Variants in FCHSD2 observed in about 807,000 individuals in gnomAD.
The protein encoded by FCHSD2 is FCH and double SH3 domains 2.
FCHSD2 carries 38 observed loss-of-function variants against 108.1 expected under a neutral mutation model. The ratio of observed to expected loss-of-function variants is 0.35; its 90% CI spans 0.27 to 0.46. FCHSD2 has a LOEUF of 0.46. FCHSD2 is among the 20% of genes least tolerant of loss of function. The pLI is 1.00. For synonymous variants in FCHSD2, 279 were observed against 314.7 expected (o/e 0.89, Z 1.20); for missense variants, 751 against 897.8 (o/e 0.84, Z 2.09).
At chr11:72,854,816 A>G (rs1340150678) in intron 13 of FCHSD2, among the ~76,000 whole-genome samples, 1 of 152,242 alleles carries the variant, frequency 6.6e-6, no homozygotes. Flanking sequence ...TAATGGCCAG[A>G]AAGTTTTACT....
chr11:73,112,706 T>C (rs1860515558), intron 2 of FCHSD2, among the ~76,000 whole-genome samples: 1 of 152,208 alleles, frequency 6.6e-6, no homozygotes, highest in African/African-American at 2.4e-5. Context: ...TGGAGTGCAG[T>C]GGCATGATCT....
intron 9 of FCHSD2, among the ~76,000 whole-genome samples, chr11:72,918,187 T>C (rs55787543): frequency 0.022 from 3,336 of 152,314 alleles, 80 homozygotes; most frequent in African/African-American, 0.059. Flanking sequence ...CTTAACCTTC[T>C]TTTTGGATCA....
chr11:73,013,663 T>C (rs1857908778), intron 4 of FCHSD2, among the ~76,000 whole-genome samples: 1 of 152,200 alleles, frequency 6.6e-6, no homozygotes, highest in African/African-American at 2.4e-5. Flanking sequence ...GTTCTGATAA[T>C]CATGGGAAAT....
chr11:72,867,435 C>G (rs1854752404), intron 13 of FCHSD2, among the ~76,000 whole-genome samples: 1 of 152,190 alleles, frequency 6.6e-6, no homozygotes, highest in African/African-American at 2.4e-5. Context: ...CACCTTCAGA[C>G]TAAGCCCACG....
intron 3 of FCHSD2, among the ~76,000 whole-genome samples, chr11:73,045,113 G>C (rs1297970709): frequency 2.6e-5 from 4 of 151,468 alleles, no homozygotes; most frequent in African/African-American, 9.7e-5. Context: ...CAAAGGTCAT[G>C]AACAGACACT....
chr11:72,921,212 A>G (rs1453105762), intron 9 of FCHSD2, among the ~76,000 whole-genome samples: 1 of 152,256 alleles, frequency 6.6e-6, no homozygotes, highest in Non-Finnish European at 1.5e-5. Flanking sequence ...CCACAGGAAC[A>G]ATTTATCTTC....
intron 3 of FCHSD2, among the ~76,000 whole-genome samples, chr11:73,049,377 G>A (rs1297724955): frequency 6.6e-6 from 1 of 152,216 alleles, no homozygotes; most frequent in Non-Finnish European, 1.5e-5. Context: ...CAAGAAACAA[G>A]ATAGGTAAAA....
At chr11:73,004,564 C>T (rs1310842119) in intron 4 of FCHSD2, among the ~76,000 whole-genome samples, 1 of 152,186 alleles carries the variant, frequency 6.6e-6, no homozygotes, top group Non-Finnish European at 1.5e-5. Flanking sequence ...CATTACCCAG[C>T]TTAGGTTTCA....
chr11:72,980,798 T>G (rs1230223059), intron 8 of FCHSD2, among the ~76,000 whole-genome samples: 1 of 151,834 alleles, frequency 6.6e-6, no homozygotes, highest in Non-Finnish European at 1.5e-5. Flanking sequence ...TCTACCATAT[T>G]GAGCTCTTTG....
At chr11:72,960,272 G>T (rs912447838) in intron 8 of FCHSD2, among the ~76,000 whole-genome samples, 1 of 152,090 alleles carries the variant, frequency 6.6e-6, no homozygotes, top group South Asian at 2.1e-4. Context: ...GGCACTAAGC[G>T]ATTCATGAGG....
intron 3 of FCHSD2, among the ~76,000 whole-genome samples, chr11:73,016,860 A>G (rs916699284): frequency 2.6e-5 from 4 of 152,256 alleles, no homozygotes; most frequent in Non-Finnish European, 4.4e-5. Context: ...ATGTTTATCT[A>G]TAACAGGTGT....
At chr11:72,972,998 A>G (rs2083781003) in intron 8 of FCHSD2, among the ~76,000 whole-genome samples, 1 of 152,260 alleles carries the variant, frequency 6.6e-6, no homozygotes, top group Admixed American at 6.5e-5. Context: ...TGAGCCAGGG[A>G]GAATGTACAA....
intron 8 of FCHSD2, among the ~76,000 whole-genome samples, chr11:72,936,024 T>C (rs1565330603): frequency 6.6e-6 from 1 of 152,226 alleles, no homozygotes; most frequent in South Asian, 2.1e-4. Context: ...CAAAACATCA[T>C]GGGCAACAGA....
At chr11:73,030,970 T>TATACAC (rs796209851) in intron 3 of FCHSD2, among the ~76,000 whole-genome samples, 60 of 152,040 alleles carry the variant, frequency 3.9e-4, no homozygotes, top group African/African-American at 1.4e-3. Context: ...GAAACTGTAG[T>TATACAC]ATACACATAC....
Position 73,140,108 on chromosome 11 carries a change from C to T in FCHSD2, c.42G>A (p.Leu14=), listed in dbSNP as rs1861212252. The change falls in exon 2 of 20, where the codon CTG becomes CTA. Residue 14 remains leucine, a synonymous_variant. Transcript: ENST00000409418. ...PPRKVKVTQE[L]KNIQVEQMTK... ...TCATCTGCTCAACTTGAATGTTTTT[C>T]AGTTCTTGTGTAACTTTCACCTAAA... 2 of 1,542,524 alleles carry T rather than the reference C, an allele frequency of 1.3e-6. No individual in the cohort carries two copies. Among genetic ancestry groups the T allele is most frequent in the African/African-American group, 2.7e-5 (2 of 72,802 alleles).
intron 12 of FCHSD2, among the ~76,000 whole-genome samples, chr11:72,875,798 G>C (rs776774128): frequency 2.0e-5 from 3 of 152,196 alleles, no homozygotes; most frequent in Non-Finnish European, 2.9e-5. Context: ...GCTTTGGCTA[G>C]TGGGGCATTT....
Position 73,088,912 on chromosome 11 carries a change from T to G in FCHSD2, c.120-5172A>C, listed in dbSNP as rs1417850890. Among the ~76,000 whole-genome samples the G allele has an allele frequency of 2.0e-5, 3 of 152,198 alleles. No homozygotes were observed. In the East Asian group the frequency reaches 5.8e-4, roughly 29 times the overall value. On this transcript the variant is annotated intron_variant, in intron 2 of 19. Coordinates refer to ENST00000409418, the MANE Select transcript of FCHSD2 (RefSeq NM_014824.3). ...TTACCCTTTTAAGTTTATACATAAC[T>G]CATTTTAAAATAAGGACATTCACGT... is the stretch of plus-strand genomic sequence containing the variant.
intron 9 of FCHSD2, among the ~76,000 whole-genome samples, chr11:72,918,004 T>C (rs1366616162): frequency 2.6e-5 from 4 of 152,220 alleles, no homozygotes; most frequent in Non-Finnish European, 5.9e-5. Flanking sequence ...TATTACAATA[T>C]TAGCAACATG....
intron 13 of FCHSD2, among the ~76,000 whole-genome samples, chr11:72,857,923 T>C (rs1035448142): frequency 1.8e-4 from 27 of 152,202 alleles, no homozygotes; most frequent in Non-Finnish European, 3.2e-4. Flanking sequence ...ATGTTGACTA[T>C]GTCACTTACT....
Sources: gnomAD v4.1 joint callset for allele counts (sites outside exome capture counted in the v4.1 genomes callset) on GRCh38, gnomAD v4.1.1 for gene constraint, MANE v1.5 for transcripts, NCBI Gene and HGNC (gene_info 2026-07-23, HGNC 2026-07-21) for gene names.